Variants in SNCAIP observed in about 807,000 individuals in gnomAD.
SNCAIP encodes synuclein alpha interacting protein.
Under a neutral mutation model 86.7 loss-of-function variants are expected in SNCAIP, and 43 were observed. The observed-to-expected ratio is 0.50, with a 90% CI of 0.39 to 0.64. The LOEUF is 0.64. Among genes scored for constraint, SNCAIP ranks in the 30% least tolerant of loss-of-function variants. The pLI, the probability that SNCAIP is intolerant of heterozygous loss-of-function variation, is 0.00. For synonymous variants in SNCAIP, 417 were observed against 427.2 expected, an observed-to-expected ratio of 0.98 and a Z score of 0.29; for missense variants, 981 against 1,103.1, an observed-to-expected ratio of 0.89 and a Z score of 1.57.
At chr5:122,415,122 G>A (rs558530934) in intron 3 of SNCAIP, among the ~76,000 whole-genome samples, 2 of 152,298 alleles carry the variant, frequency 1.3e-5, no homozygotes, top group Admixed American at 6.5e-5. Flanking sequence ...ACCTGAAGAC[G>A]GAGGTGCAGC....
chr5:122,374,265 G>A (rs567537154), intron 1 of SNCAIP, among the ~76,000 whole-genome samples: 1 of 152,220 alleles, frequency 6.6e-6, no homozygotes, highest in South Asian at 2.1e-4. Context: ...CTCCACTTTG[G>A]ATTTCTCACT....
At chr5:122,428,568 G>GTT (rs140531370) in intron 5 of SNCAIP, among the ~76,000 whole-genome samples, 58 of 144,892 alleles carry the variant, frequency 4.0e-4, no homozygotes, top group South Asian at 2.4e-3. Context: ...GTCTCAATAA[G>GTT]TTTTTTTTTT....
intron 6 of SNCAIP, among the ~76,000 whole-genome samples, chr5:122,435,052 T>G (rs1199537179): frequency 6.6e-6 from 1 of 152,144 alleles, no homozygotes; most frequent in Non-Finnish European, 1.5e-5. Context: ...CTTTAAAGAC[T>G]CTAGTACCAC....
At chr5:122,437,923 T>C (rs1779900568) in intron 6 of SNCAIP, among the ~76,000 whole-genome samples, 1 of 152,194 alleles carries the variant, frequency 6.6e-6, no homozygotes, top group Admixed American at 6.5e-5. Flanking sequence ...GGGGCAGTAT[T>C]CCATTGCCTA....
chr5:122,393,211 T>G (rs1020025063), intron 2 of SNCAIP, among the ~76,000 whole-genome samples: 1 of 152,236 alleles, frequency 6.6e-6, no homozygotes, highest in African/African-American at 2.4e-5. Flanking sequence ...GCATTTAAAC[T>G]TATATCAGAT....
intron 1 of SNCAIP, among the ~76,000 whole-genome samples, chr5:122,367,127 C>T (rs1432374977): frequency 6.6e-6 from 1 of 151,848 alleles, no homozygotes; most frequent in Non-Finnish European, 1.5e-5. Flanking sequence ...GAGTTGGGAG[C>T]CTAAGGGACA....
At chr5:122,358,052 T>C (rs765793563) in intron 1 of SNCAIP, among the ~76,000 whole-genome samples, 2 of 152,112 alleles carry the variant, frequency 1.3e-5, no homozygotes, top group African/African-American at 2.4e-5. Context: ...AAGAGCCTTA[T>C]ATTTTTCAGG....
chr5:122,373,419 G>A (rs1176459317), intron 1 of SNCAIP, among the ~76,000 whole-genome samples: 1 of 152,052 alleles, frequency 6.6e-6, no homozygotes, highest in Non-Finnish European at 1.5e-5. Context: ...AAAAATCCAG[G>A]TTGTCTCACT....
intron 1 of SNCAIP, among the ~76,000 whole-genome samples, chr5:122,377,581 C>G (rs113799494): frequency 0.13 from 18,977 of 151,796 alleles, 1,271 homozygotes; most frequent in South Asian, 0.24. Context: ...GGTACATGTG[C>G]ACATTGTGCA....
chr5:122,348,701 T>C lies in SNCAIP; in HGVS notation c.-47+36417T>C, dbSNP rs73283480. The stretch of plus-strand genomic sequence containing the variant: ...ATTGACAAATGAGAAGCCAGCAGAA[T>C]TGGACCAATGAACAATTGAAAATTA... On this transcript the variant is annotated intron_variant, in intron 1 of 10. Coordinates refer to ENST00000261368, the MANE Select transcript of SNCAIP (RefSeq NM_005460.4). Among the ~76,000 whole-genome samples, 1,498 of 152,158 alleles carry C rather than the reference T, an allele frequency of 9.8e-3. 24 individuals are homozygous for C. Among genetic ancestry groups the C allele is most frequent in the African/African-American group, 0.035 (1,434 of 41,534 alleles).
chr5:122,365,514 G>A (rs1199680755), intron 1 of SNCAIP, among the ~76,000 whole-genome samples: 2 of 151,992 alleles, frequency 1.3e-5, no homozygotes, highest in East Asian at 3.9e-4. Flanking sequence ...CCCCATCTGT[G>A]CTAAAATTAC....
chr5:122,433,967 C>T (rs1313669306), intron 6 of SNCAIP, among the ~76,000 whole-genome samples: 1 of 152,164 alleles, frequency 6.6e-6, no homozygotes, highest in Admixed American at 6.5e-5. Context: ...GGTAAACAAT[C>T]AATACCCTAT....
In SNCAIP at chr5:122,451,488, T is replaced by C; in HGVS notation, c.2641T>C (p.Tyr881His). ...TGGCAACCAAAACAATAATAATAAC[T>C]ACCAGGCAGCCAACCAGCTGAAAAC... The part of the protein sequence containing the change: ...LSGNQNNNNN[Y>H]QAANQLKTST... Residue 881 changes from tyrosine (Y) to histidine (H), a missense_variant, in exon 10 of 11, where the codon TAC (tyrosine) becomes CAC (histidine). Coordinates refer to ENST00000261368, the MANE Select transcript of SNCAIP (RefSeq NM_005460.4). 6.2e-7 allele frequency: 1 copy of C among 1,613,744 alleles called. No individual in the cohort carries two copies. Among genetic ancestry groups the C allele is most frequent in the Non-Finnish European group, 8.5e-7 (1 of 1,179,930 alleles).
intron 1 of SNCAIP, among the ~76,000 whole-genome samples, chr5:122,365,662 G>C (rs773091665): frequency 3.3e-5 from 5 of 152,346 alleles, no homozygotes; most frequent in South Asian, 2.1e-4. Context: ...CTGGGCGGCA[G>C]AGTAAGACCC....
At chr5:122,449,801 T>G in intron 8 of SNCAIP, 44 bp from the exon 9 acceptor site, 2 of 1,232,696 alleles carry the variant, frequency 1.6e-6, no homozygotes. Flanking sequence ...TTTATAGCAG[T>G]AACCAGTATC....
At chr5:122,365,834 G>A (rs1342620132) in intron 1 of SNCAIP, among the ~76,000 whole-genome samples, 2 of 152,172 alleles carry the variant, frequency 1.3e-5, no homozygotes, top group Admixed American at 1.3e-4. Flanking sequence ...TCATCAGGCG[G>A]GATGCAGATG....
chr5:122,377,637 T>A (rs954927508), intron 1 of SNCAIP, among the ~76,000 whole-genome samples: 3 of 151,732 alleles, frequency 2.0e-5, no homozygotes, highest in Admixed American at 6.6e-5. Context: ...GCGCTGCACC[T>A]ACTAACTCGT....
At chr5:122,463,321 A>G (rs541747697) in intron 10 of SNCAIP, among the ~76,000 whole-genome samples, 170 bp from the exon 11 acceptor site, 7 of 152,342 alleles carry the variant, frequency 4.6e-5, no homozygotes, top group Non-Finnish European at 1.0e-4. Flanking sequence ...TTCATTGTTT[A>G]AAGAGTAGTT....
chr5:122,377,603 T>C (rs1765634605), intron 1 of SNCAIP, among the ~76,000 whole-genome samples: 1 of 151,906 alleles, frequency 6.6e-6, no homozygotes, highest in African/African-American at 2.4e-5. Flanking sequence ...GTTAGTTACA[T>C]ATGTATACAT....
Sources: gnomAD v4.1 joint callset for allele counts (sites outside exome capture counted in the v4.1 genomes callset) on GRCh38, gnomAD v4.1.1 for gene constraint, MANE v1.5 for transcripts, NCBI Gene and HGNC (gene_info 2026-07-23, HGNC 2026-07-21) for gene names.